The following NOS2 variants were observed in gnomAD, a reference collection of about 807,000 sequenced individuals.
NOS2 encodes the protein nitric oxide synthase, inducible.
Under a neutral mutation model 136.0 loss-of-function variants are expected in NOS2, and 96 were observed. The ratio of observed to expected loss-of-function variants is 0.71; its 90% confidence interval spans 0.60 to 0.84. NOS2 has a LOEUF of 0.84. Among genes scored for constraint, NOS2 ranks in the 40% least tolerant of loss-of-function variants. NOS2 has a pLI of 0.00. For missense variants in NOS2, 1,237 were observed against 1,496.9 expected (o/e 0.83, Z 2.87); for synonymous variants, 539 against 587.5 (o/e 0.92, Z 1.20).
chr17:27,772,671 T>C (rs555740111), intron 13 of NOS2, among the ~76,000 whole-genome samples: 41 of 152,078 alleles, frequency 2.7e-4, no homozygotes, highest in African/African-American at 9.9e-4. Flanking sequence ...AGAGAGAAGG[T>C]TGGAACAATG....
chr17:27,787,733 C>A lies in NOS2; in HGVS notation c.412G>T (p.Glu138Ter), dbSNP rs1909062178. The A allele has an allele frequency of 1.2e-6, 2 of 1,613,904 alleles. No homozygotes were observed. The highest frequency in any genetic ancestry group is 1.7e-6 in the Non-Finnish European group (2 of 1,179,922). ...GPRDKPTPPD[E>*]LLPQAIEFVN... Reference sequence around the variant, plus strand: ...AATTCGATAGCTTGAGGTAGAAGCTCATCTGGAGGGGTAGGCTTGTCCCTG... The same window carrying A: ...AATTCGATAGCTTGAGGTAGAAGCTAATCTGGAGGGGTAGGCTTGTCCCTG... The change falls in exon 5 of 27, where the codon GAG (glutamate) becomes TAG (stop). Residue 138 changes from glutamate (E) to a stop codon, truncating the protein, a stop_gained. Coordinates refer to ENST00000313735, the MANE Select transcript of NOS2 (RefSeq NM_000625.4). LOFTEE classifies it high-confidence loss of function.
intron 21 of NOS2, among the ~76,000 whole-genome samples, chr17:27,763,371 G>A (rs1000997627): frequency 1.3e-5 from 2 of 152,188 alleles, no homozygotes; most frequent in African/African-American, 4.8e-5. Flanking sequence ...TGTGAAACAA[G>A]GACAGTATTG....
rs1308613286 is a variant in NOS2 at position 27,760,743 on chromosome 17, C to T, written c.2890G>A (p.Ala964Thr). 1 of 1,549,396 alleles carries T rather than the reference C, an allele frequency of 6.5e-7. No homozygotes were observed. Among genetic ancestry groups the T allele is most frequent in the Non-Finnish European group, 8.7e-7 (1 of 1,146,846 alleles). ...QDPVPCFVRNASGFHLPEDPS... is the reference protein window; with the variant it reads ...QDPVPCFVRNTSGFHLPEDPS... ...TCCTCGGGGAGGTGGAAGCCGCTGGCACTGAAGAGGACAGGAGAAGAGGGG... is the reference window on the plus strand; with the variant it reads ...TCCTCGGGGAGGTGGAAGCCGCTGGTACTGAAGAGGACAGGAGAAGAGGGG... The change falls in exon 24 of 27, where the codon GCC becomes ACC. Residue 964 changes from alanine (A) to threonine (T), a missense_variant and splice_region_variant. Transcript: ENST00000313735.
At chr17:27,797,467 A>G (rs908118261) in intron 2 of NOS2, among the ~76,000 whole-genome samples, 1 of 152,220 alleles carries the variant, frequency 6.6e-6, no homozygotes, top group African/African-American at 2.4e-5. Flanking sequence ...GGACTTGCCA[A>G]AGGTTACAGG....
intron 2 of NOS2, among the ~76,000 whole-genome samples, chr17:27,792,976 C>A (rs761481902): frequency 6.6e-6 from 1 of 151,862 alleles, no homozygotes; most frequent in South Asian, 2.1e-4. Flanking sequence ...CAGAGTGAGA[C>A]CCTATCAAAA....
chr17:27,757,694 C>A (rs1435171834), intron 26 of NOS2, among the ~76,000 whole-genome samples: 1 of 152,212 alleles, frequency 6.6e-6, no homozygotes, highest in African/African-American at 2.4e-5. Context: ...TGATGAACAG[C>A]AGCATACTGA....
intron 2 of NOS2, among the ~76,000 whole-genome samples, chr17:27,790,066 GC>G (rs370707677): frequency 3.7e-4 from 56 of 152,332 alleles, no homozygotes; most frequent in African/African-American, 1.3e-3. Context: ...CTGCCCAGCA[GC>G]CACTTGGATT....
At chr17:27,763,039 C>G (rs762988155) in intron 21 of NOS2, 34 bp from the exon 22 acceptor site, 1 of 1,431,186 alleles carries the variant, frequency 7.0e-7, no homozygotes, top group Non-Finnish European at 9.6e-7. Flanking sequence ...TGACTCAGGG[C>G]GCCTGTCCCG....
At chr17:27,759,630 CAG>C (rs1908048619) in intron 25 of NOS2, among the ~76,000 whole-genome samples, 1 of 152,122 alleles carries the variant, frequency 6.6e-6, no homozygotes, top group Non-Finnish European at 1.5e-5. Flanking sequence ...ACCCCAGGCT[CAG>C]GGGGTAACGC....
chr17:27,799,984 A>G (rs918662675), intron 1 of NOS2, among the ~76,000 whole-genome samples: 3 of 152,222 alleles, frequency 2.0e-5, no homozygotes, highest in Admixed American at 6.5e-5. Flanking sequence ...ATTCATCCAT[A>G]AAATGGGTTT....
intron 18 of NOS2, among the ~76,000 whole-genome samples, chr17:27,767,347 T>TAGC (rs1908338889): frequency 6.6e-6 from 1 of 151,740 alleles, no homozygotes. Context: ...GGCCACAGGC[T>TAGC]AGCAGCTTGC....
chr17:27,761,776 A>T (rs565467618), intron 22 of NOS2, among the ~76,000 whole-genome samples: 2 of 152,170 alleles, frequency 1.3e-5, no homozygotes, highest in African/African-American at 4.8e-5. Context: ...GGCTTGTAGA[A>T]ACCCAGGAGG....
intron 17 of NOS2, 32 bp downstream of exon 17, chr17:27,768,945 C>T: frequency 1.3e-6 from 2 of 1,561,384 alleles, no homozygotes; most frequent in South Asian, 1.2e-5. Flanking sequence ...TGTCATGTCC[C>T]TGCTGTGGGG....
Position 27,757,209 on chromosome 17 carries a change from G to C in NOS2, c.*37C>G. ...AATGCAGAGCTGGCTCCATCCTTAAGTTCTGTGCCGGCAGCTTTAACCCCT... is the reference window on the plus strand; with the variant it reads ...AATGCAGAGCTGGCTCCATCCTTAACTTCTGTGCCGGCAGCTTTAACCCCT... On this transcript the variant is annotated 3_prime_UTR_variant, in exon 27 of 27. Transcript: ENST00000313735. 1 of 1,557,108 alleles carries C rather than the reference G, an allele frequency of 6.4e-7. No homozygotes were observed. Among genetic ancestry groups the C allele is most frequent in the Non-Finnish European group, 8.8e-7 (1 of 1,131,138 alleles).
intron 17 of NOS2, 50 bp from the exon 18 acceptor site, chr17:27,767,887 C>G: frequency 2.2e-5 from 36 of 1,606,864 alleles, no homozygotes; most frequent in Non-Finnish European, 3.0e-5. Flanking sequence ...GCAGCAGCAT[C>G]CCCACCACTG....
chr17:27,762,585 C>A (rs768440568), intron 22 of NOS2, among the ~76,000 whole-genome samples: 7 of 152,192 alleles, frequency 4.6e-5, no homozygotes, highest in Non-Finnish European at 8.8e-5. Flanking sequence ...GTGCCTACCC[C>A]ACAATGTAAC....
chr17:27,768,909 C>T (rs750261479), intron 17 of NOS2, 68 bp downstream of exon 17: 15 of 1,469,888 alleles, frequency 1.0e-5, no homozygotes, highest in Middle Eastern at 1.9e-4. Flanking sequence ...ACGCCCAGCA[C>T]AGATGTCCTA....
At chr17:27,760,905 C>T (rs1368332865) in intron 23 of NOS2, among the ~76,000 whole-genome samples, 161 bp from the exon 24 acceptor site, 2 of 152,194 alleles carry the variant, frequency 1.3e-5, no homozygotes, top group Non-Finnish European at 2.9e-5. Flanking sequence ...TGCTTCACTT[C>T]TGTCCAGGCA....
chr17:27,760,189 C>A lies in NOS2; in HGVS notation c.3011-11G>T. 1 of 1,544,548 alleles carries A rather than the reference C, an allele frequency of 6.5e-7. No homozygotes were observed. The highest frequency in any genetic ancestry group is 2.1e-5 in the Admixed American group (1 of 48,670). ...GGCCTCCCCGCACTCCTGCAGGAGT[C>A]CCGGGCTGTTGTTACCATGTTGGCC... On this transcript the variant is annotated splice_polypyrimidine_tract_variant and intron_variant, in intron 24 of 26. Coordinates refer to ENST00000313735, the MANE Select transcript of NOS2 (RefSeq NM_000625.4).
Sources: gnomAD v4.1 joint callset for allele counts (sites outside exome capture counted in the v4.1 genomes callset) on GRCh38, gnomAD v4.1.1 for gene constraint, MANE v1.5 for transcripts, NCBI Gene and HGNC (gene_info 2026-07-23, HGNC 2026-07-21) for gene names.